SIPA1L2: variants seen among roughly 807,000 people sequenced by gnomAD.
The protein encoded by SIPA1L2 is signal-induced proliferation-associated 1-like protein 2.
A neutral mutation model predicts 163.9 loss-of-function variants in SIPA1L2; 56 were observed. The ratio of observed to expected loss-of-function variants is 0.34; its 90% confidence interval spans 0.28 to 0.43. The LOEUF (loss-of-function observed/expected upper bound fraction) is 0.43, where lower values mean the gene tolerates loss of function less well. SIPA1L2 is among the 20% of genes least tolerant of loss of function. The pLI is 1.00. For missense variants in SIPA1L2, 1,974 were observed against 2,193.5 expected (o/e 0.90, Z 2.00); for synonymous variants, 877 against 865.7 (o/e 1.01, Z -0.23).
chr1:232,581,727 A>G (rs903069804), intron 1 of SIPA1L2, among the ~76,000 whole-genome samples: 4 of 152,182 alleles, frequency 2.6e-5, no homozygotes, highest in African/African-American at 9.6e-5. Flanking sequence ...CCTACCTGAC[A>G]GTCAGAATAC....
chr1:232,439,203 C>A lies in SIPA1L2; in HGVS notation c.3936G>T (p.Lys1312Asn). The A allele has an allele frequency of 6.2e-7, 1 of 1,613,828 alleles. No individual in the cohort carries two copies. Among genetic ancestry groups the A allele is most frequent in the Non-Finnish European group, 8.5e-7 (1 of 1,180,040 alleles). ...ACGCGTAGCCATGCACAGAATATAA[C>A]TTGGCTGGCTCGTCGTCAGGCCCAG... Reference protein sequence around the residue: ...DVSGPDDEPAKLYSVHGYAST... With the variant: ...DVSGPDDEPANLYSVHGYAST... The change falls in exon 15 of 23, where the codon AAG becomes AAT. Residue 1312 changes from lysine to asparagine, a missense_variant. Physicochemically the swap from Lys to Asn is moderately conservative, Grantham distance 94 (BLOSUM62 0). Coordinates refer to ENST00000674635, the MANE Select transcript of SIPA1L2 (RefSeq NM_020808.5).
chr1:232,561,085 C>T (rs1573084338), intron 2 of SIPA1L2, among the ~76,000 whole-genome samples: 1 of 152,312 alleles, frequency 6.6e-6, no homozygotes, highest in East Asian at 1.9e-4. Flanking sequence ...GACATTCCCA[C>T]CGTCTACCAG....
At chr1:232,476,636 T>A (rs146113468) in intron 7 of SIPA1L2, among the ~76,000 whole-genome samples, 1 of 152,174 alleles carries the variant, frequency 6.6e-6, no homozygotes, top group Non-Finnish European at 1.5e-5. Context: ...GACTTAACTT[T>A]TGAAGAGAGA....
intron 10 of SIPA1L2, among the ~76,000 whole-genome samples, chr1:232,456,265 A>G (rs1202328339): frequency 6.6e-6 from 1 of 152,174 alleles, no homozygotes; most frequent in Non-Finnish European, 1.5e-5. Context: ...AAACTGTTAA[A>G]CTGACAAAAT....
At chr1:232,499,056 G>A (rs2103012731) in intron 3 of SIPA1L2, among the ~76,000 whole-genome samples, 1 of 152,254 alleles carries the variant, frequency 6.6e-6, no homozygotes, top group East Asian at 1.9e-4. Flanking sequence ...GTGCCGTGGG[G>A]GTAATAATAT....
At chr1:232,546,902 G>A (rs1317217821) in intron 2 of SIPA1L2, among the ~76,000 whole-genome samples, 1 of 152,218 alleles carries the variant, frequency 6.6e-6, no homozygotes, top group East Asian at 1.9e-4. Flanking sequence ...CTCAAATGAG[G>A]AGGAGGTCTG....
intron 10 of SIPA1L2, among the ~76,000 whole-genome samples, chr1:232,452,757 A>G (rs1663661665): frequency 6.6e-6 from 1 of 152,198 alleles, no homozygotes; most frequent in Non-Finnish European, 1.5e-5. Context: ...TCTCCATTAA[A>G]GAGAGAGTTT....
At chr1:232,519,519 G>T (rs1358727342) in intron 2 of SIPA1L2, among the ~76,000 whole-genome samples, 1 of 152,174 alleles carries the variant, frequency 6.6e-6, no homozygotes, top group Non-Finnish European at 1.5e-5. Context: ...AGTTAGAGAA[G>T]AAGCCATATG....
At chr1:232,403,670 C>G in intron 20 of SIPA1L2, 99 bp from the exon 21 acceptor site, 2 of 1,428,896 alleles carry the variant, frequency 1.4e-6, no homozygotes, top group Non-Finnish European at 1.9e-6. Flanking sequence ...ATCTTTTCCC[C>G]CCTTCAAACC....
intron 12 of SIPA1L2, 106 bp from the exon 13 acceptor site, chr1:232,441,974 T>A: frequency 2.3e-6 from 2 of 868,198 alleles, no homozygotes; most frequent in Middle Eastern, 3.2e-4. Context: ...GAAAGCCCTA[T>A]CCAGGAGCTG....
intron 18 of SIPA1L2, among the ~76,000 whole-genome samples, chr1:232,420,818 G>A (rs1661533075): frequency 6.6e-6 from 1 of 152,048 alleles, no homozygotes; most frequent in Admixed American, 6.5e-5. Flanking sequence ...CTGAGCGAAA[G>A]AGTGAGACTC....
chr1:232,480,956 GA>G (rs1024066537), intron 6 of SIPA1L2, among the ~76,000 whole-genome samples: 113 of 151,996 alleles, frequency 7.4e-4, no homozygotes, highest in African/African-American at 2.6e-3. Context: ...AAACTCTTTA[GA>G]AAAAATATCC....
chr1:232,408,499 G>T (rs1427351159), intron 19 of SIPA1L2, among the ~76,000 whole-genome samples: 1 of 152,192 alleles, frequency 6.6e-6, no homozygotes, highest in South Asian at 2.1e-4. Context: ...CAAAAAGATG[G>T]ATCACTTTAT....
intron 18 of SIPA1L2, among the ~76,000 whole-genome samples, chr1:232,421,121 G>T (rs1327961037): frequency 6.6e-6 from 1 of 152,190 alleles, no homozygotes; most frequent in African/African-American, 2.4e-5. Context: ...GGAGGACACT[G>T]TCTGAAAGCA....
intron 8 of SIPA1L2, among the ~76,000 whole-genome samples, chr1:232,467,395 T>C (rs773650005): frequency 5.3e-5 from 8 of 152,196 alleles, no homozygotes; most frequent in Non-Finnish European, 1.2e-4. Context: ...GCCAGGGATC[T>C]ACATCAGGTG....
intron 3 of SIPA1L2, among the ~76,000 whole-genome samples, chr1:232,507,980 G>A (rs1415955315): frequency 1.3e-5 from 2 of 152,118 alleles, no homozygotes; most frequent in African/African-American, 4.8e-5. Flanking sequence ...TGAATTTGGG[G>A]AGACTTTATT....
intron 22 of SIPA1L2, among the ~76,000 whole-genome samples, chr1:232,399,969 C>A (rs12041949): frequency 0.065 from 9,926 of 152,170 alleles, 911 homozygotes; most frequent in East Asian, 0.48. Flanking sequence ...CACATGCCAC[C>A]CCCAGCACTG....
At chr1:232,585,638 C>A (rs1297764577) in intron 1 of SIPA1L2, among the ~76,000 whole-genome samples, 1 of 152,136 alleles carries the variant, frequency 6.6e-6, no homozygotes, top group African/African-American at 2.4e-5. Context: ...TAAAGTAGAA[C>A]AATGAAACCA....
At chr1:232,561,797 T>C (rs1437020500) in intron 2 of SIPA1L2, among the ~76,000 whole-genome samples, 1 of 152,202 alleles carries the variant, frequency 6.6e-6, no homozygotes, top group Non-Finnish European at 1.5e-5. Flanking sequence ...CCCCAGCTTA[T>C]ACCTACTGAG....
Sources: allele counts gnomAD v4.1 joint callset (sites outside exome capture counted in the v4.1 genomes callset), GRCh38; gene constraint gnomAD v4.1.1; transcripts MANE v1.5; gene names NCBI Gene and HGNC (gene_info 2026-07-23, HGNC 2026-07-21).